Variants in UBE3B observed in about 807,000 individuals in gnomAD.
The protein encoded by UBE3B is ubiquitin-protein ligase E3B.
UBE3B carries 80 observed loss-of-function variants against 132.3 expected under a neutral mutation model. The ratio of observed to expected loss-of-function variants is 0.60; its 90% CI spans 0.50 to 0.73. UBE3B has a LOEUF of 0.73. Among genes scored for constraint, UBE3B ranks in the 30% least tolerant of loss-of-function variants. The pLI is 0.00. For missense variants in UBE3B, 1,196 were observed against 1,362.5 expected, an observed-to-expected ratio of 0.88 and a Z score of 1.92; for synonymous variants, 487 against 520.4, an observed-to-expected ratio of 0.94 and a Z score of 0.87.
At chr12:109,542,953 A>G in the UBE3B span, among the ~76,000 whole-genome samples, 7 of 152,326 alleles carry the variant, frequency 4.6e-5, no homozygotes, top group Middle Eastern at 3.4e-3. Flanking sequence ...CATGTTTGGA[A>G]GAGGTCAAAC....
rs201243745 is a variant in UBE3B, at chr12:109,490,023, C to T, written c.630+19C>T. 12 of 1,611,046 alleles carry T rather than the reference C, an allele frequency of 7.4e-6. No individual in the cohort carries two copies. Among genetic ancestry groups the T allele is most frequent in the East Asian group, 2.2e-5 (1 of 44,884 alleles). On this transcript the variant is annotated intron_variant, in intron 8 of 27. Transcript: ENST00000342494. ...GCTGCAGGTCTGTGACTCCTGCCCC[C>T]CAGTGTGCAACTTCTCCACTCTCCA...
intron 16 of UBE3B, 42 bp from the exon 17 acceptor site, chr12:109,510,302 C>A: frequency 6.6e-7 from 1 of 1,510,740 alleles, no homozygotes; most frequent in Non-Finnish European, 9.0e-7. Flanking sequence ...TGCTCTCTGG[C>A]TCTGACTCCT....
chr12:109,485,965 T>A lies in UBE3B; in HGVS notation c.283-47T>A, dbSNP rs1225370357. On this transcript the variant is annotated intron_variant, in intron 4 of 27. Coordinates refer to ENST00000342494, the MANE Select transcript of UBE3B (RefSeq NM_130466.4). ...AGGCTTGTTTTCTTTGTTTTCACTT[T>A]TTGATGGATTGTGGGAATGTATAAC... The A allele has an allele frequency of 1.9e-6, 3 of 1,547,592 alleles. No homozygotes were observed. The East Asian group carries it at 7.3e-5, about 38-fold the overall frequency.
Position 109,530,089 on chromosome 12 carries a change from G to A in UBE3B, c.2810+17G>A, listed in dbSNP as rs1415056141. On this transcript the variant is annotated intron_variant, in intron 25 of 27. Coordinates refer to ENST00000342494, the MANE Select transcript of UBE3B (RefSeq NM_130466.4). The stretch of plus-strand genomic sequence containing the variant: ...AGATTTAAAGTAAGAGGCGGGTGGG[G>A]GGAAGGGTGAAATTCCTTGGCCTCC... The A allele has an allele frequency of 1.2e-6, 2 of 1,611,724 alleles. No individual in the cohort carries two copies. The highest frequency in any genetic ancestry group is 1.7e-6 in the Non-Finnish European group (2 of 1,178,322).
Position 109,533,452 on chromosome 12 carries a change from G to A in UBE3B, c.2923-14G>A, listed in dbSNP as rs781557449. The stretch of plus-strand genomic sequence containing the variant: ...AGCCTGCCCCGTCCCCACTGACCCT[G>A]CTTTGTGTTGCAGTTCGTGACCAGC... On this transcript the variant is annotated splice_polypyrimidine_tract_variant and intron_variant, in intron 26 of 27. Coordinates refer to ENST00000342494, the MANE Select transcript of UBE3B (RefSeq NM_130466.4). 169 of 1,613,328 alleles carry A rather than the reference G, an allele frequency of 1.0e-4. No homozygotes were observed. The highest frequency in any genetic ancestry group is 1.3e-4 in the Non-Finnish European group (157 of 1,179,400).
chr12:109,528,856 A>G (rs1043541202), intron 24 of UBE3B, among the ~76,000 whole-genome samples: 5 of 145,880 alleles, frequency 3.4e-5, no homozygotes, highest in Non-Finnish European at 7.6e-5. Context: ...TCTCAAAAAA[A>G]AAAAGAAAAG....
rs540360927 is a variant in UBE3B at position 109,536,523 on chromosome 12, C to A, written c.*1741C>A. 2.6e-5 allele frequency: 4 copies of A among 152,282 alleles called. No homozygotes were observed. The highest frequency in any genetic ancestry group is 1.3e-4 in the Admixed American group (2 of 15,290). 9.4% of individuals were successfully genotyped at this position (152,282 alleles called of 1,614,324 possible). A position where few individuals can be genotyped will look rare whatever the true frequency, so the allele number is the denominator to read the frequency against. On this transcript the variant is annotated 3_prime_UTR_variant, in exon 28 of 28. Transcript: ENST00000342494. ...GGTAGTTTGTAATTTCATTTAAATT[C>A]TTTTCAGCAGCTGGAAATATTGCAC...
At chr12:109,501,559 C>T (rs773916402) in intron 13 of UBE3B, 25 bp downstream of exon 13, 125 of 1,601,258 alleles carry the variant, frequency 7.8e-5, no homozygotes, top group Non-Finnish European at 1.0e-4. Context: ...CAGGCCCAAC[C>T]CTGTAGCTCC....
chr12:109,498,748 G>C (rs550471391), intron 11 of UBE3B, among the ~76,000 whole-genome samples: 2 of 152,074 alleles, frequency 1.3e-5, no homozygotes, highest in Non-Finnish European at 2.9e-5. Flanking sequence ...TGGAAGAAAG[G>C]GTTTATGAAT....
chr12:109,525,880 G>A (rs959605523), intron 23 of UBE3B, among the ~76,000 whole-genome samples: 1 of 152,188 alleles, frequency 6.6e-6, no homozygotes, highest in Non-Finnish European at 1.5e-5. Context: ...CAGGGTGCCC[G>A]TGATAGTGTG....
At chr12:109,506,259 A>C (rs1246381966) in intron 14 of UBE3B, among the ~76,000 whole-genome samples, 1 of 152,266 alleles carries the variant, frequency 6.6e-6, no homozygotes, top group African/African-American at 2.4e-5. Context: ...AAGGGTCAGC[A>C]GACTACTGTT....
intron 16 of UBE3B, among the ~76,000 whole-genome samples, chr12:109,510,010 C>T (rs1243941747): frequency 2.6e-5 from 4 of 152,164 alleles, no homozygotes; most frequent in South Asian, 2.1e-4. Flanking sequence ...CATTTGATTT[C>T]CGTGAAGATA....
intron 18 of UBE3B, among the ~76,000 whole-genome samples, chr12:109,512,433 G>A (rs1348543140): frequency 6.6e-6 from 1 of 152,124 alleles, no homozygotes; most frequent in Non-Finnish European, 1.5e-5. Flanking sequence ...GAGCATCCAG[G>A]AAATGAGGGT....
At chr12:109,509,767 C>T (rs569825525) in intron 16 of UBE3B, 53 bp downstream of exon 16, 29 of 1,194,614 alleles carry the variant, frequency 2.4e-5, no homozygotes, top group Middle Eastern at 3.9e-4. Flanking sequence ...CCAGGGAGGC[C>T]GAAGAGTCTA....
At position 109,530,126 on chromosome 12, in the gene UBE3B, C is replaced by T. The variant is rs557323111; in HGVS notation, c.2810+54C>T. The stretch of plus-strand genomic sequence containing the variant: ...ATTCCTTGGCCTCCCAGAAAGCCAG[C>T]TGCTCCCTCGCTGGGTTCCTTTTAG... On this transcript the variant is annotated intron_variant, in intron 25 of 27. Coordinates refer to ENST00000342494, the MANE Select transcript of UBE3B (RefSeq NM_130466.4). The T allele has an allele frequency of 1.9e-6, 3 of 1,602,194 alleles. No individual in the cohort carries two copies. The East Asian group carries it at 6.7e-5, about 36-fold the overall frequency.
chr12:109,490,592 T>C (rs1877308803), intron 8 of UBE3B: 2 of 1,535,838 alleles, frequency 1.3e-6, no homozygotes, highest in African/African-American at 1.4e-5. Flanking sequence ...GTTGTCTCGC[T>C]AGAGGAACCT....
chr12:109,496,128 G>A (rs1407688230), intron 9 of UBE3B, among the ~76,000 whole-genome samples: 2 of 152,182 alleles, frequency 1.3e-5, no homozygotes, highest in African/African-American at 4.8e-5. Context: ...CTTTGGATTT[G>A]CCTGTTGTGG....
chr12:109,524,086 G>A lies in UBE3B; in HGVS notation c.2473G>A (p.Glu825Lys), dbSNP rs779946643. 1.9e-6 allele frequency: 3 copies of A among 1,614,154 alleles called. No homozygotes were observed. The highest frequency in any genetic ancestry group is 2.5e-6 in the Non-Finnish European group (3 of 1,180,024). The change falls in exon 22 of 28, where the codon GAG (glutamate) becomes AAG (lysine). Residue 825 changes from glutamate to lysine, a missense_variant. Physicochemically the swap from Glu to Lys is moderately conservative, Grantham distance 56. Transcript: ENST00000342494. ...GGATGAACTGCCTTCTCTGGACTCC[G>A]AGTTCTATAAAAACCTCACCTCCAT... ...SVDELPSLDS[E>K]FYKNLTSIKR...
chr12:109,513,689 A>ATT (rs11453850), intron 18 of UBE3B, among the ~76,000 whole-genome samples: 2 of 149,646 alleles, frequency 1.3e-5, no homozygotes, highest in East Asian at 2.0e-4. Context: ...TAATCCCCAC[A>ATT]TTTTTTTTTT....
Sources: allele counts gnomAD v4.1 joint callset (sites outside exome capture counted in the v4.1 genomes callset), GRCh38; gene constraint gnomAD v4.1.1; transcripts MANE v1.5; gene names NCBI Gene and HGNC (gene_info 2026-07-23, HGNC 2026-07-21).